The following SDK1 variants were observed in gnomAD, a reference collection of about 807,000 sequenced individuals.
SDK1 encodes protein sidekick-1.
SDK1 carries 157 observed loss-of-function variants against 245.5 expected under a neutral mutation model. That is an observed-to-expected ratio of 0.64 (90% CI 0.56 to 0.73). The LOEUF is 0.73. Ranked by LOEUF, SDK1 falls within the 30% of genes least tolerant of loss-of-function variation. The pLI is 0.00. For missense variants in SDK1, 3,583 were observed against 3,002.3 expected, an observed-to-expected ratio of 1.19 and a Z score of -4.52; for synonymous variants, 1,647 against 1,278.5, an observed-to-expected ratio of 1.29 and a Z score of -6.15.
intron 4 of SDK1, among the ~76,000 whole-genome samples, chr7:3,768,308 A>C (rs1780312273): frequency 6.6e-6 from 1 of 152,228 alleles, no homozygotes; most frequent in Non-Finnish European, 1.5e-5. Context: ...CGCATAAAGC[A>C]GAGTGTGAAG....
At chr7:4,007,059 GA>G (rs1210559210) in intron 14 of SDK1, among the ~76,000 whole-genome samples, 5 of 152,242 alleles carry the variant, frequency 3.3e-5, no homozygotes, top group Non-Finnish European at 7.3e-5. Context: ...CGGAGCAGGT[GA>G]ATGGCTGACT....
chr7:3,553,285 C>A lies in SDK1; in HGVS notation c.299-65795C>A, dbSNP rs541579518. On this transcript the variant is annotated intron_variant, in intron 1 of 44. Transcript: ENST00000404826. ...TTATTTTCCAATGATGAATCTGAAA[C>A]TTAAGATTTTGCTCTATGTCAAAAA... Among the ~76,000 whole-genome samples the A allele has an allele frequency of 1.7e-3, 265 of 152,180 alleles. 1 individual carries two copies. The highest frequency in any genetic ancestry group is 3.1e-3 in the Non-Finnish European group (210 of 68,004).
At chr7:4,194,569 G>C (rs1372584892) in intron 35 of SDK1, among the ~76,000 whole-genome samples, 1 of 152,036 alleles carries the variant, frequency 6.6e-6, no homozygotes, top group African/African-American at 2.4e-5. Flanking sequence ...AGCAAGCAAG[G>C]AGATCCAGTC....
chr7:3,488,089 T>C (rs937895090), intron 1 of SDK1, among the ~76,000 whole-genome samples: 1 of 152,198 alleles, frequency 6.6e-6, no homozygotes, highest in Non-Finnish European at 1.5e-5. Flanking sequence ...AATTTTTCAG[T>C]TCAACTCTTG....
At chr7:3,529,702 G>T (rs958490185) in intron 1 of SDK1, among the ~76,000 whole-genome samples, 20 of 152,152 alleles carry the variant, frequency 1.3e-4, no homozygotes, top group African/African-American at 4.8e-4. Flanking sequence ...GAGGATGTTT[G>T]ATGAGAAACA....
chr7:3,787,842 A>G (rs539155054), intron 4 of SDK1, among the ~76,000 whole-genome samples: 2 of 152,290 alleles, frequency 1.3e-5, no homozygotes, highest in Admixed American at 1.3e-4. Flanking sequence ...GCATTTCAAC[A>G]TAAGACGTGG....
intron 1 of SDK1, among the ~76,000 whole-genome samples, chr7:3,498,793 G>C (rs139601348): frequency 2.7e-5 from 4 of 150,356 alleles, no homozygotes; most frequent in East Asian, 2.0e-4. Flanking sequence ...CAAGACTTCA[G>C]CATGTTCTTG....
intron 1 of SDK1, among the ~76,000 whole-genome samples, chr7:3,391,204 TTTG>T (rs906748576): frequency 5.8e-5 from 8 of 137,874 alleles, no homozygotes; most frequent in Non-Finnish European, 6.0e-5. Flanking sequence ...CTGCAATTTG[TTTG>T]TTTTCTTGTA....
intron 32 of SDK1, among the ~76,000 whole-genome samples, chr7:4,162,367 T>A (rs1781195299): frequency 9.3e-6 from 1 of 108,034 alleles, no homozygotes; most frequent in African/African-American, 3.6e-5. Context: ...GTTGTTGTTG[T>A]TGTTATTATT....
At chr7:3,815,885 A>G (rs1442020951) in intron 4 of SDK1, among the ~76,000 whole-genome samples, 21 of 147,784 alleles carry the variant, frequency 1.4e-4, no homozygotes, top group African/African-American at 5.2e-4. Context: ...CAGAAATTAT[A>G]ACAAACTATC....
intron 5 of SDK1, among the ~76,000 whole-genome samples, chr7:3,855,053 T>A (rs1453340771): frequency 6.6e-6 from 1 of 152,074 alleles, no homozygotes; most frequent in Non-Finnish European, 1.5e-5. Context: ...CCTGCCCACT[T>A]GTGACAGCTA....
intron 4 of SDK1, among the ~76,000 whole-genome samples, chr7:3,754,160 C>G (rs1260624505): frequency 1.3e-5 from 2 of 152,156 alleles, no homozygotes; most frequent in Non-Finnish European, 2.9e-5. Flanking sequence ...GGTTTTTATT[C>G]AGCTGAACTG....
intron 4 of SDK1, among the ~76,000 whole-genome samples, chr7:3,694,905 G>A (rs1315602645): frequency 6.6e-6 from 1 of 152,130 alleles, no homozygotes; most frequent in Admixed American, 6.5e-5. Flanking sequence ...AAACACACAA[G>A]CACATTTCCT....
In SDK1 at chr7:3,434,370, G is replaced by T. The variant is rs932938261; in HGVS notation, c.298+132486G>T. 2.0e-5 allele frequency among the ~76,000 whole-genome samples: 3 copies of T among 152,106 alleles called. No individual in the cohort carries two copies. The East Asian group carries it at 5.8e-4, about 29-fold the overall frequency. On this transcript the variant is annotated intron_variant, in intron 1 of 44. Transcript: ENST00000404826. ...GTATATGAGGTGGACTTTTTACTTA[G>T]GTGTCCTCCCTGTTGTTTTGAGGCT...
intron 4 of SDK1, among the ~76,000 whole-genome samples, chr7:3,812,726 A>C (rs534257172): frequency 3.9e-5 from 6 of 152,290 alleles, no homozygotes; most frequent in Admixed American, 3.9e-4. Context: ...CAGAAGTATA[A>C]CTTACCCTTT....
At chr7:4,043,824 G>A (rs183231045) in intron 17 of SDK1, among the ~76,000 whole-genome samples, 3 of 152,054 alleles carry the variant, frequency 2.0e-5, no homozygotes, top group East Asian at 3.9e-4. Flanking sequence ...ATTGGGCTTC[G>A]TGAAACCCCA....
intron 5 of SDK1, among the ~76,000 whole-genome samples, chr7:3,872,442 A>T (rs1329615564): frequency 1.3e-5 from 2 of 152,094 alleles, no homozygotes; most frequent in Non-Finnish European, 2.9e-5. Context: ...TTTCACTATA[A>T]ATACAATTTT....
chr7:3,660,129 C>A (rs1252981835), intron 4 of SDK1, among the ~76,000 whole-genome samples: 1 of 151,818 alleles, frequency 6.6e-6, no homozygotes, highest in Non-Finnish European at 1.5e-5. Context: ...TATTTAAGAC[C>A]TTGGAAATGG....
chr7:4,095,689 C>T (rs985268668), intron 22 of SDK1, among the ~76,000 whole-genome samples: 10 of 152,222 alleles, frequency 6.6e-5, no homozygotes, highest in Admixed American at 5.9e-4. Flanking sequence ...TCTGCTGCCT[C>T]AGCCTCCCAA....
Sources: gnomAD v4.1 joint callset for allele counts (sites outside exome capture counted in the v4.1 genomes callset) on GRCh38, gnomAD v4.1.1 for gene constraint, MANE v1.5 for transcripts, NCBI Gene and HGNC (gene_info 2026-07-23, HGNC 2026-07-21) for gene names.